Variants in PLPP1 observed in about 807,000 individuals in gnomAD.
PLPP1 encodes lipid phosphate phosphohydrolase 1a.
In PLPP1, 24 loss-of-function variants were observed where a neutral mutation model predicts 31.2. That is an observed-to-expected ratio of 0.77 (90% CI 0.56 to 1.08). The LOEUF is 1.08. PLPP1 is among the 50% of genes least tolerant of loss of function. PLPP1 has a pLI of 0.00. For missense variants in PLPP1, 319 were observed against 342.7 expected (o/e 0.93, Z 0.55); for synonymous variants, 146 against 126.3 (o/e 1.16, Z -1.05).
rs560917834 is a variant in PLPP1, at chr5:55,484,788, C to T, written c.59-9338G>A. On this transcript the variant is annotated intron_variant, in intron 1 of 5. Transcript: ENST00000307259. ...GTGATTAGGGGGACAGGGCTTTAAA[C>T]CAGCTCAACCTCCAGGTAGGTGAGG... The T allele has an allele frequency of 1.2e-4, 19 of 152,302 alleles. No homozygotes were observed. In the East Asian group the frequency reaches 3.5e-3, roughly 28 times the overall value. 9.4% of individuals were successfully genotyped at this position (152,302 alleles called of 1,614,324 possible).
chr5:55,426,131 A>G (rs1751188479), intron 4 of PLPP1, 92 bp from the exon 5 acceptor site: 1 of 1,124,918 alleles, frequency 8.9e-7, no homozygotes, highest in East Asian at 2.5e-5. Flanking sequence ...ATGATTATCA[A>G]AGTATTATTA....
At chr5:55,446,377 A>G (rs1319520119) in intron 3 of PLPP1, among the ~76,000 whole-genome samples, 1 of 152,200 alleles carries the variant, frequency 6.6e-6, no homozygotes, top group Non-Finnish European at 1.5e-5. Flanking sequence ...AAATTACCAT[A>G]TATGTATCAT....
At chr5:55,463,075 T>A (rs6872045) in intron 3 of PLPP1, among the ~76,000 whole-genome samples, 1 of 151,934 alleles carries the variant, frequency 6.6e-6, no homozygotes, top group South Asian at 2.1e-4. Flanking sequence ...CTCAGCAAAC[T>A]AACACAGGAA....
At chr5:55,465,884 T>G (rs981277474) in intron 3 of PLPP1, among the ~76,000 whole-genome samples, 1 of 152,136 alleles carries the variant, frequency 6.6e-6, no homozygotes, top group African/African-American at 2.4e-5. Flanking sequence ...GAAGGCTCTC[T>G]GTACCTCCTA....
intron 3 of PLPP1, among the ~76,000 whole-genome samples, chr5:55,449,881 G>A (rs1751856257): frequency 6.6e-6 from 1 of 151,774 alleles, no homozygotes; most frequent in Admixed American, 6.6e-5. Context: ...GAAACACAGG[G>A]TACCTCTCCC....
intron 1 of PLPP1, among the ~76,000 whole-genome samples, chr5:55,523,080 ATT>A (rs1461476266): frequency 6.6e-6 from 1 of 151,284 alleles, no homozygotes. Context: ...CCCTCTCCAT[ATT>A]TTTTTTACTT....
rs1378496111 is a variant in PLPP1, at chr5:55,497,232, T to C, written c.59-21782A>G. On this transcript the variant is annotated intron_variant, in intron 1 of 5. Transcript: ENST00000307259. ...AAAAAAGACTAAAAGAGGTGAAGAA[T>C]GAAAAAGACCTCAAAGAAATTTTTT... 2.6e-5 allele frequency among the ~76,000 whole-genome samples: 4 copies of C among 151,986 alleles called. No individual in the cohort carries two copies. The East Asian group carries it at 5.8e-4, about 22-fold the overall frequency.
chr5:55,425,964 C>T lies in PLPP1; in HGVS notation c.625G>A (p.Val209Ile), dbSNP rs139142643. 3.9e-4 allele frequency: 628 copies of T among 1,613,570 alleles called. 2 individuals are homozygous for T. Among genetic ancestry groups the T allele is most frequent in the Non-Finnish European group, 5.0e-4 (587 of 1,179,780 alleles). The change falls in exon 5 of 6, where the codon GTA becomes ATA. Residue 209 changes from valine (V) to isoleucine (I), a missense_variant. Val to Ile is a conservative substitution (Grantham distance 29, BLOSUM62 3). Coordinates refer to ENST00000307259, the MANE Select transcript of PLPP1 (RefSeq NM_003711.4). ...CGAGAAAGGCCCACATAAATGGATA[C>T]GGCAACAAGACCAAATTGCAGTGTG... The part of the protein sequence containing the change: ...RPTLQFGLVA[V>I]SIYVGLSRVS...
At chr5:55,478,001 G>GA (rs2111818461) in intron 1 of PLPP1, among the ~76,000 whole-genome samples, 1 of 151,108 alleles carries the variant, frequency 6.6e-6, no homozygotes, top group East Asian at 1.9e-4. Context: ...AAGAAAGAAA[G>GA]AAAGAAAGAA....
At position 55,513,564 on chromosome 5, in the gene PLPP1, G is replaced by A. The variant is rs192943420; in HGVS notation, c.58+21008C>T. On this transcript the variant is annotated intron_variant, in intron 1 of 5. Transcript: ENST00000307259. ...TGGGATTACAGGCATGAGCCACTGC[G>A]CCCGGCCTATATTAACTCTTGAAGA... Among the ~76,000 whole-genome samples the A allele has an allele frequency of 4.2e-3, 638 of 152,074 alleles. 4 individuals carry two copies. The highest frequency in any genetic ancestry group is 0.015 in the African/African-American group (605 of 41,506).
intron 3 of PLPP1, among the ~76,000 whole-genome samples, chr5:55,458,263 G>A (rs1176863539): frequency 6.6e-6 from 1 of 152,134 alleles, no homozygotes; most frequent in East Asian, 1.9e-4. Context: ...TGGTCAGCAT[G>A]CAAAAGCTTG....
chr5:55,461,318 TA>T, intron 3 of PLPP1, among the ~76,000 whole-genome samples: 1 of 150,796 alleles, frequency 6.6e-6, no homozygotes. Flanking sequence ...ACAAAAACTT[TA>T]CAAGAAAACT....
At chr5:55,430,709 C>A (rs911398989) in intron 4 of PLPP1, among the ~76,000 whole-genome samples, 2 of 152,120 alleles carry the variant, frequency 1.3e-5, no homozygotes, top group African/African-American at 4.8e-5. Context: ...TCCAAAGGAA[C>A]ACAGTAATTT....
At chr5:55,495,848 TTTG>T (rs1261880329) in intron 1 of PLPP1, among the ~76,000 whole-genome samples, 1 of 151,884 alleles carries the variant, frequency 6.6e-6, no homozygotes, top group Non-Finnish European at 1.5e-5. Flanking sequence ...TTTGTTTTGT[TTTG>T]TTTTGTTTTT....
In PLPP1 at chr5:55,467,916, A is replaced by G. The variant is rs1399780265; in HGVS notation, c.444T>C (p.Ile148=). The change falls in exon 3 of 6, where the codon ATT becomes ATC. Residue 148 remains isoleucine, a synonymous_variant. Coordinates refer to ENST00000307259, the MANE Select transcript of PLPP1 (RefSeq NM_003711.4). ...WSKINCSDGY[I]EYYICRGNAE... is the part of the protein sequence containing the mutation. ...CATTCCCTCGACATATGTAGTATTC[A>G]ATGTAACCATCGCTGCAGTTGATTT... The G allele has an allele frequency of 2.5e-6, 4 of 1,614,208 alleles. No individual in the cohort carries two copies. Among genetic ancestry groups the G allele is most frequent in the Non-Finnish European group, 3.4e-6 (4 of 1,180,022 alleles).
chr5:55,483,462 A>G (rs1295063825), intron 1 of PLPP1, among the ~76,000 whole-genome samples: 1 of 152,116 alleles, frequency 6.6e-6, no homozygotes, highest in Non-Finnish European at 1.5e-5. Flanking sequence ...ACATGAGGTC[A>G]GGAGTTCAAG....
intron 1 of PLPP1, among the ~76,000 whole-genome samples, chr5:55,503,114 T>C (rs1157319409): frequency 2.6e-5 from 4 of 152,152 alleles, no homozygotes; most frequent in Admixed American, 6.5e-5. Flanking sequence ...CAGTATCGCA[T>C]CTCCACTGCA....
At chr5:55,529,301 G>A (rs2111958058) in intron 1 of PLPP1, among the ~76,000 whole-genome samples, 1 of 151,780 alleles carries the variant, frequency 6.6e-6, no homozygotes, top group East Asian at 1.9e-4. Flanking sequence ...CTTTAGCTTT[G>A]AATAAATTTC....
chr5:55,528,073 T>G (rs1433248933), intron 1 of PLPP1, among the ~76,000 whole-genome samples: 1 of 152,146 alleles, frequency 6.6e-6, no homozygotes, highest in African/African-American at 2.4e-5. Flanking sequence ...TAAATGATTG[T>G]CAAAAACAGC....
Sources: gnomAD v4.1 joint callset for allele counts (sites outside exome capture counted in the v4.1 genomes callset) on GRCh38, gnomAD v4.1.1 for gene constraint, MANE v1.5 for transcripts, NCBI Gene and HGNC (gene_info 2026-07-23, HGNC 2026-07-21) for gene names.